Variants in AGBL4 observed in about 807,000 individuals in gnomAD.
AGBL4 encodes cytosolic carboxypeptidase 6.
A neutral mutation model predicts 66.4 loss-of-function variants in AGBL4; 58 were observed. That is an observed-to-expected ratio of 0.87 (90% CI 0.71 to 1.09). The LOEUF (loss-of-function observed/expected upper bound fraction) is 1.09, where lower values mean the gene tolerates loss of function less well. Among genes scored for constraint, AGBL4 ranks in the 50% least tolerant of loss-of-function variants. The probability of loss-of-function intolerance (pLI) is 0.00; values close to 1 mark genes in which losing one functional copy is unlikely to be tolerated. For synonymous variants in AGBL4, 234 were observed against 222.9 expected, an observed-to-expected ratio of 1.05 and a Z score of -0.44; for missense variants, 579 against 631.0, an observed-to-expected ratio of 0.92 and a Z score of 0.88.
chr1:48,941,711 T>C (rs1228399805), intron 5 of AGBL4, among the ~76,000 whole-genome samples: 1 of 152,196 alleles, frequency 6.6e-6, no homozygotes, highest in African/African-American at 2.4e-5. Context: ...AACAAGGTGA[T>C]GAATTTAGGT....
chr1:48,813,131 G>A (rs902480857), intron 6 of AGBL4, among the ~76,000 whole-genome samples: 2 of 152,060 alleles, frequency 1.3e-5, no homozygotes, highest in Non-Finnish European at 1.5e-5. Context: ...AAAATGGAGT[G>A]ATAAGTGCTT....
intron 4 of AGBL4, among the ~76,000 whole-genome samples, chr1:49,109,217 G>C (rs143020596): frequency 6.6e-6 from 1 of 152,132 alleles, no homozygotes; most frequent in Non-Finnish European, 1.5e-5. Context: ...TGGGGAGAAG[G>C]TTTCCCCAGT....
chr1:48,525,621 C>G, the AGBL4 span, among the ~76,000 whole-genome samples: 1 of 152,062 alleles, frequency 6.6e-6, no homozygotes, highest in Non-Finnish European at 1.5e-5. Flanking sequence ...GATTATGTTC[C>G]CATACCAAAC....
intron 3 of AGBL4, among the ~76,000 whole-genome samples, chr1:49,571,631 G>A (rs1644333366): frequency 6.6e-6 from 1 of 152,072 alleles, no homozygotes; most frequent in Non-Finnish European, 1.5e-5. Context: ...GGTGAAAGTG[G>A]ACATCTTTCT....
chr1:48,576,061 C>T lies in AGBL4; in HGVS notation c.1267+10943G>A, dbSNP rs562697262. 3.9e-5 allele frequency among the ~76,000 whole-genome samples: 6 copies of T among 152,288 alleles called. No individual in the cohort carries two copies. In the South Asian group the frequency reaches 8.3e-4, roughly 21 times the overall value. ...CTACTCCCTCTGCTTCATGAGAGCTCTTTAGAGCAGGGGTCCTCAAGCCCC... is the reference window on the plus strand; with the variant it reads ...CTACTCCCTCTGCTTCATGAGAGCTTTTTAGAGCAGGGGTCCTCAAGCCCC... On this transcript the variant is annotated intron_variant, in intron 11 of 13. Transcript: ENST00000371839.
intron 5 of AGBL4, among the ~76,000 whole-genome samples, chr1:48,920,671 C>T (rs939063154): frequency 1.3e-5 from 2 of 152,176 alleles, no homozygotes; most frequent in Admixed American, 1.3e-4. Context: ...GCTAAGGTCA[C>T]GTAGACCTGC....
chr1:49,486,393 C>T (rs557896347), intron 3 of AGBL4, among the ~76,000 whole-genome samples: 1 of 152,054 alleles, frequency 6.6e-6, no homozygotes, highest in African/African-American at 2.4e-5. Context: ...ACACCCAACC[C>T]TCTGATGTCA....
At chr1:49,734,707 C>T (rs1268368193) in intron 2 of AGBL4, among the ~76,000 whole-genome samples, 3 of 152,066 alleles carry the variant, frequency 2.0e-5, no homozygotes, top group South Asian at 2.1e-4. Context: ...TCATGTGTAA[C>T]TTTAATTCAA....
At chr1:48,558,599 T>G (rs1002586176) in intron 11 of AGBL4, among the ~76,000 whole-genome samples, 1 of 152,212 alleles carries the variant, frequency 6.6e-6, no homozygotes, top group Non-Finnish European at 1.5e-5. Flanking sequence ...ATTACCCTTA[T>G]GCTGAGAGGG....
At chr1:49,066,410 G>A (rs1459807876) in intron 4 of AGBL4, among the ~76,000 whole-genome samples, 1 of 152,132 alleles carries the variant, frequency 6.6e-6, no homozygotes, top group Admixed American at 6.5e-5. Flanking sequence ...AAATTAGCCA[G>A]GTGTGGTGGC....
At chr1:48,836,997 ATATAT>A (rs1005834424) in intron 6 of AGBL4, among the ~76,000 whole-genome samples, 3 of 148,186 alleles carry the variant, frequency 2.0e-5, no homozygotes, top group Non-Finnish European at 4.5e-5. Context: ...AAATAACATC[ATATAT>A]TATATATAGT....
In AGBL4 at chr1:49,563,451, C is replaced by T. The variant is rs185295942; in HGVS notation, c.282+133862G>A. On this transcript the variant is annotated intron_variant, in intron 3 of 13. Transcript: ENST00000371839. Reference sequence around the variant, plus strand: ...TATGATATTGGCTGTGGGTTTGTCACAGATAGCTCTTATTATTTTGAGATA... The same window carrying T: ...TATGATATTGGCTGTGGGTTTGTCATAGATAGCTCTTATTATTTTGAGATA... 2.0e-3 allele frequency among the ~76,000 whole-genome samples: 303 copies of T among 152,148 alleles called. 4 individuals are homozygous for T. In the East Asian group the frequency reaches 0.031, roughly 16 times the overall value.
At chr1:49,652,228 C>A (rs1269669396) in intron 3 of AGBL4, among the ~76,000 whole-genome samples, 1 of 152,074 alleles carries the variant, frequency 6.6e-6, no homozygotes. Context: ...GATGTACAGG[C>A]ATTTCAGAGA....
rs1202325014 is a variant in AGBL4 at position 48,683,279 on chromosome 1, G to GA, written c.635-20039dup. 2.0e-5 allele frequency among the ~76,000 whole-genome samples: 3 copies of GA among 152,314 alleles called. No homozygotes were observed. In the East Asian group the frequency reaches 5.8e-4, roughly 29 times the overall value. Reference sequence around the variant, plus strand: ...GCATCATGCTAAGGCAATGTCTGAGGAACCACTCCAGCTCCGGAGAGAAAC... The same window carrying GA: ...GCATCATGCTAAGGCAATGTCTGAGGAAACCACTCCAGCTCCGGAGAGAAAC... On this transcript the variant is annotated intron_variant, in intron 6 of 13. Coordinates refer to ENST00000371839, the MANE Select transcript of AGBL4 (RefSeq NM_032785.4).
chr1:49,296,247 T>C (rs1644640815), intron 3 of AGBL4, among the ~76,000 whole-genome samples: 3 of 152,064 alleles, frequency 2.0e-5, no homozygotes, highest in African/African-American at 7.2e-5. Flanking sequence ...GTTGAGAAAA[T>C]AGAGGTTCAG....
In AGBL4 at chr1:48,711,019, C is replaced by A. The variant is rs184842612; in HGVS notation, c.635-47778G>T. 4.4e-3 allele frequency among the ~76,000 whole-genome samples: 664 copies of A among 152,306 alleles called. 5 individuals carry two copies. Among genetic ancestry groups the A allele is most frequent in the African/African-American group, 0.016 (645 of 41,554 alleles). On this transcript the variant is annotated intron_variant, in intron 6 of 13. Transcript: ENST00000371839. ...TCTTTGGGACACGCCTCACTCCTGG[C>A]ACTGTGCATCCTTGTCTGTCTGTCT...
intron 3 of AGBL4, among the ~76,000 whole-genome samples, chr1:49,684,173 G>T (rs995291355): frequency 6.6e-6 from 1 of 152,032 alleles, no homozygotes; most frequent in Non-Finnish European, 1.5e-5. Flanking sequence ...TTTTCCTCTT[G>T]ATTTTATTGT....
chr1:49,200,819 G>C (rs1357274248), intron 4 of AGBL4, among the ~76,000 whole-genome samples: 1 of 152,130 alleles, frequency 6.6e-6, no homozygotes, highest in African/African-American at 2.4e-5. Context: ...TCATTACATA[G>C]GCATGATTGA....
At chr1:49,556,337 T>C (rs1056545679) in intron 3 of AGBL4, among the ~76,000 whole-genome samples, 6 of 151,798 alleles carry the variant, frequency 4.0e-5, no homozygotes, top group Admixed American at 1.3e-4. Context: ...AAGGAACACT[T>C]GGACACAGGA....
Sources: allele counts gnomAD v4.1 joint callset (sites outside exome capture counted in the v4.1 genomes callset), GRCh38; gene constraint gnomAD v4.1.1; transcripts MANE v1.5; gene names NCBI Gene and HGNC (gene_info 2026-07-23, HGNC 2026-07-21).